Variants in CUL5 observed in about 807,000 individuals in gnomAD.
CUL5 encodes the protein cullin 5.
CUL5 carries 26 observed loss-of-function variants against 108.8 expected under a neutral mutation model. The ratio of observed to expected loss-of-function variants is 0.24; its 90% CI spans 0.18 to 0.33. The LOEUF (loss-of-function observed/expected upper bound fraction) is 0.33. Among genes scored for constraint, CUL5 ranks in the 10% least tolerant of loss-of-function variants. CUL5 has a pLI of 1.00. For missense variants in CUL5, 524 were observed against 909.2 expected, an observed-to-expected ratio of 0.58 and a Z score of 5.45; for synonymous variants, 334 against 298.0, an observed-to-expected ratio of 1.12 and a Z score of -1.25.
chr11:108,045,855 G>A (rs1863054324), intron 2 of CUL5, among the ~76,000 whole-genome samples: 1 of 152,038 alleles, frequency 6.6e-6, no homozygotes, highest in Non-Finnish European at 1.5e-5. Flanking sequence ...GTGAGACCCT[G>A]TCTCTAAAAA....
intron 1 of CUL5, among the ~76,000 whole-genome samples, chr11:108,031,861 C>T: frequency 6.6e-6 from 1 of 152,152 alleles, no homozygotes; most frequent in Non-Finnish European, 1.5e-5. Flanking sequence ...AAGATCATGT[C>T]CTTTGCAGGG....
intron 11 of CUL5, among the ~76,000 whole-genome samples, chr11:108,080,398 A>AT (rs1430596482): frequency 5.3e-5 from 8 of 151,422 alleles, no homozygotes; most frequent in South Asian, 2.1e-4. Context: ...CCTTTTGCCC[A>AT]TTTTTTTTGG....
intron 2 of CUL5, among the ~76,000 whole-genome samples, chr11:108,039,695 C>T (rs1452580328): frequency 6.6e-6 from 1 of 152,154 alleles, no homozygotes; most frequent in Non-Finnish European, 1.5e-5. Flanking sequence ...CTAGATAACT[C>T]ATATAAATGG....
At chr11:108,087,501 CA>C (rs539214062) in intron 11 of CUL5, among the ~76,000 whole-genome samples, 30 of 152,206 alleles carry the variant, frequency 2.0e-4, no homozygotes, top group Non-Finnish European at 3.4e-4. Context: ...CATGAAAATA[CA>C]ATATACTGCT....
chr11:108,084,454 T>C (rs928894171), intron 11 of CUL5, among the ~76,000 whole-genome samples: 3 of 152,202 alleles, frequency 2.0e-5, no homozygotes, highest in Non-Finnish European at 2.9e-5. Flanking sequence ...ACAAAACCCA[T>C]TGGACACTGA....
Position 108,054,855 on chromosome 11 carries a change from G to C in CUL5, c.700-20G>C. 6.2e-7 allele frequency: 1 copy of C among 1,603,014 alleles called. No homozygotes were observed. The highest frequency in any genetic ancestry group is 1.1e-5 in the South Asian group (1 of 88,338). ...TTCCCTTGATATTCTTAAAATGATT[G>C]CTATTTTGCTTCTGGACAGGCAGAT... On this transcript the variant is annotated intron_variant, in intron 6 of 18. Transcript: ENST00000393094.
chr11:108,010,807 A>G (rs971700699), intron 1 of CUL5, among the ~76,000 whole-genome samples: 2 of 152,202 alleles, frequency 1.3e-5, no homozygotes, highest in Non-Finnish European at 2.9e-5. Flanking sequence ...CTTCAGAAAG[A>G]AAATTTGTGG....
At chr11:108,070,958 T>C (rs1199375031) in intron 8 of CUL5, among the ~76,000 whole-genome samples, 1 of 152,222 alleles carries the variant, frequency 6.6e-6, no homozygotes, top group African/African-American at 2.4e-5. Context: ...CCAGTCTAAT[T>C]AGAGTTATGT....
chr11:108,023,349 A>G (rs1239594315), intron 1 of CUL5, among the ~76,000 whole-genome samples: 3 of 152,196 alleles, frequency 2.0e-5, no homozygotes, highest in African/African-American at 7.2e-5. Flanking sequence ...TAATTTTAAT[A>G]CAGTGCAATT....
At chr11:108,078,341 A>T in intron 11 of CUL5, 101 bp downstream of exon 11, 1 of 540,066 alleles carries the variant, frequency 1.9e-6, no homozygotes, top group Non-Finnish European at 3.2e-6. Context: ...TATTTTTGTT[A>T]TTGTTAGTTT....
chr11:108,089,416 G>C, intron 12 of CUL5, 76 bp from the exon 13 acceptor site: 1 of 1,085,602 alleles, frequency 9.2e-7, no homozygotes, highest in Non-Finnish European at 1.3e-6. Context: ...GTGACAATTG[G>C]TGGATATAGA....
At chr11:108,077,422 G>A (rs1441102505) in intron 10 of CUL5, among the ~76,000 whole-genome samples, 2 of 152,176 alleles carry the variant, frequency 1.3e-5, no homozygotes, top group Non-Finnish European at 2.9e-5. Flanking sequence ...GAGACAGGTG[G>A]ATCACTTGAG....
intron 8 of CUL5, among the ~76,000 whole-genome samples, chr11:108,072,048 A>G (rs1442996678): frequency 1.3e-5 from 2 of 151,964 alleles, no homozygotes; most frequent in African/African-American, 4.8e-5. Context: ...GCATGGTGAC[A>G]TGTGCCTGTG....
rs536608052 is a variant in CUL5 at position 108,027,367 on chromosome 11, G to A, written c.25-6435G>A. 2.2e-4 allele frequency among the ~76,000 whole-genome samples: 34 copies of A among 152,012 alleles called. No homozygotes were observed. The South Asian group carries it at 6.4e-3, about 29-fold the overall frequency. On this transcript the variant is annotated intron_variant, in intron 1 of 18. Coordinates refer to ENST00000393094, the MANE Select transcript of CUL5 (RefSeq NM_003478.6). ...GCTCACTGCAAACTCCGCCTCCCAG[G>A]TTCAAGCAATTCTCCCACCTCAGCC...
chr11:108,037,210 A>G (rs1258556916), intron 2 of CUL5, among the ~76,000 whole-genome samples: 1 of 152,180 alleles, frequency 6.6e-6, no homozygotes, highest in Non-Finnish European at 1.5e-5. Context: ...GGAATGAGGT[A>G]GCCAATTTTC....
intron 18 of CUL5, among the ~76,000 whole-genome samples, chr11:108,100,306 G>T (rs112427329): frequency 0.015 from 2,320 of 152,230 alleles, 38 homozygotes; most frequent in Middle Eastern, 0.065. Context: ...ACTTTGGGAG[G>T]CCGAGGTGGG....
chr11:108,081,613 G>A (rs1006905498), intron 11 of CUL5, among the ~76,000 whole-genome samples: 16 of 151,992 alleles, frequency 1.1e-4, no homozygotes, highest in East Asian at 1.9e-4. Context: ...TTAGCCAGGC[G>A]TGGTGGCGGG....
chr11:108,014,002 C>T (rs1393685503), intron 1 of CUL5, among the ~76,000 whole-genome samples: 8 of 152,140 alleles, frequency 5.3e-5, no homozygotes. Context: ...AGAACAATGT[C>T]CATGCTCTTT....
intron 2 of CUL5, among the ~76,000 whole-genome samples, chr11:108,037,455 C>G (rs1862775186): frequency 6.6e-6 from 1 of 152,126 alleles, no homozygotes; most frequent in Non-Finnish European, 1.5e-5. Context: ...TGGGACTTAC[C>G]ATGTAGTTGT....
Sources: gnomAD v4.1 joint callset for allele counts (sites outside exome capture counted in the v4.1 genomes callset) on GRCh38, gnomAD v4.1.1 for gene constraint, MANE v1.5 for transcripts, NCBI Gene and HGNC (gene_info 2026-07-23, HGNC 2026-07-21) for gene names.